The following TMED10 variants were observed in gnomAD, a reference collection of about 807,000 sequenced individuals.
TMED10 encodes the protein transmembrane p24 trafficking protein 10, also known as transmembrane emp24 domain-containing protein 10.
A neutral mutation model predicts 23.1 loss-of-function variants in TMED10; 7 were observed. The ratio of observed to expected loss-of-function variants is 0.30; its 90% CI spans 0.17 to 0.57. The LOEUF (loss-of-function observed/expected upper bound fraction) is 0.57. Ranked by LOEUF, TMED10 falls within the 20% of genes least tolerant of loss-of-function variation. TMED10 has a pLI of 0.91. For synonymous variants in TMED10, 113 were observed against 106.9 expected, an observed-to-expected ratio of 1.06 and a Z score of -0.35; for missense variants, 162 against 274.8, an observed-to-expected ratio of 0.59 and a Z score of 2.90.
rs1896054639 is a variant in TMED10, at chr14:75,158,944, A to G, written c.226-6801T>C. Among the ~76,000 whole-genome samples, 3 of 152,070 alleles carry G rather than the reference A, an allele frequency of 2.0e-5. No individual in the cohort carries two copies. In the South Asian group the frequency reaches 6.2e-4, roughly 31 times the overall value. Reference sequence around the variant, plus strand: ...CGTTTCAAAATAAATAAATAAATAAATAAATACCTTAGAACCCTGGATACA... The same window carrying G: ...CGTTTCAAAATAAATAAATAAATAAGTAAATACCTTAGAACCCTGGATACA... On this transcript the variant is annotated intron_variant, in intron 1 of 4. Transcript: ENST00000303575.
At chr14:75,163,141 C>T (rs1278616183) in intron 1 of TMED10, among the ~76,000 whole-genome samples, 1 of 151,660 alleles carries the variant, frequency 6.6e-6, no homozygotes, top group Non-Finnish European at 1.5e-5. Flanking sequence ...ACTCAGAAGC[C>T]TCAGGGAGGA....
At chr14:75,155,937 G>A (rs1896014971) in intron 1 of TMED10, among the ~76,000 whole-genome samples, 1 of 152,182 alleles carries the variant, frequency 6.6e-6, no homozygotes, top group Admixed American at 6.5e-5. Context: ...TAACCCTACT[G>A]GCAAGAATTA....
intron 1 of TMED10, among the ~76,000 whole-genome samples, chr14:75,153,550 G>A (rs549637279): frequency 6.6e-6 from 1 of 152,182 alleles, no homozygotes; most frequent in Non-Finnish European, 1.5e-5. Flanking sequence ...TTAGTAGAAA[G>A]CATATTTCAT....
At chr14:75,163,100 G>T (rs550801296) in intron 1 of TMED10, among the ~76,000 whole-genome samples, 1 of 152,010 alleles carries the variant, frequency 6.6e-6, no homozygotes, top group African/African-American at 2.4e-5. Flanking sequence ...AAATTAGTTT[G>T]GTGTGGTGGT....
At chr14:75,164,550 TATATATATATATATATATATA>T (rs1896128700) in intron 1 of TMED10, among the ~76,000 whole-genome samples, 1 of 20,460 alleles carries the variant, frequency 4.9e-5, no homozygotes. Flanking sequence ...TATATATATA[TATATATATATATATATATATA>T]TATATATTTT....
At chr14:75,151,987 G>A (rs752400839) in intron 2 of TMED10, 45 bp downstream of exon 2, 1 of 1,507,554 alleles carries the variant, frequency 6.6e-7, no homozygotes, top group East Asian at 2.3e-5. Context: ...GAGCATTAGA[G>A]TTGGAGAAGA....
chr14:75,164,544 TA>T lies in TMED10; in HGVS notation c.225+11810del, dbSNP rs1566675063. The stretch of plus-strand genomic sequence containing the variant: ...CTGCACCTGGCCTAATATATATATA[TA>T]TATATATATATATATATATATATAT... On this transcript the variant is annotated intron_variant, in intron 1 of 4. Transcript: ENST00000303575. 9.2e-3 allele frequency among the ~76,000 whole-genome samples: 60 copies of T among 6,512 alleles called. 2 individuals carry two copies. In the East Asian group the frequency reaches 0.18, roughly 20 times the overall value. The allele number at this position is 6,512 out of a possible 152,430, so 4.3% of individuals were successfully genotyped here. A position where few individuals can be genotyped will look rare whatever the true frequency, so the allele number is the denominator to read the frequency against.
intron 3 of TMED10, among the ~76,000 whole-genome samples, chr14:75,138,569 T>C (rs565625704): frequency 1.3e-5 from 2 of 152,330 alleles, no homozygotes; most frequent in East Asian, 3.9e-4. Context: ...ACAGGAGCTA[T>C]ACAAGCTGAA....
chr14:75,169,584 G>C (rs1370072742), intron 1 of TMED10, among the ~76,000 whole-genome samples: 1 of 152,078 alleles, frequency 6.6e-6, no homozygotes, highest in Non-Finnish European at 1.5e-5. Flanking sequence ...CTTGAACCTG[G>C]GAGGCAGAGG....
At chr14:75,170,803 G>T (rs1279883330) in intron 1 of TMED10, among the ~76,000 whole-genome samples, 1 of 152,120 alleles carries the variant, frequency 6.6e-6, no homozygotes, top group Non-Finnish European at 1.5e-5. Context: ...AATTCCTTAA[G>T]AATAATTTCA....
intron 3 of TMED10, among the ~76,000 whole-genome samples, chr14:75,141,822 T>C (rs1895825867): frequency 6.6e-6 from 1 of 152,212 alleles, no homozygotes; most frequent in Admixed American, 6.5e-5. Flanking sequence ...TAATAAAGTT[T>C]GACTAATAAA....
intron 1 of TMED10, among the ~76,000 whole-genome samples, chr14:75,170,825 T>C (rs1349720515): frequency 1.3e-5 from 2 of 152,132 alleles, no homozygotes; most frequent in East Asian, 3.9e-4. Context: ...CTAATAAATA[T>C]GGAAGGAGTA....
In TMED10 at chr14:75,176,409, C is replaced by T. The variant is rs1214768089; in HGVS notation, c.171G>A (p.Ala57=). The change falls in exon 1 of 5, where the codon GCG becomes GCA. Residue 57 remains alanine, a synonymous_variant. Coordinates refer to ENST00000303575, the MANE Select transcript of TMED10 (RefSeq NM_006827.6). ...EIHKDLLVTG[A]YEISDQSGGA... Reference sequence around the variant, plus strand: ...CCCCAGACTGGTCGGAGATCTCGTACGCGCCAGTCACTAGCAGGTCCTTGT... The same window carrying T: ...CCCCAGACTGGTCGGAGATCTCGTATGCGCCAGTCACTAGCAGGTCCTTGT... 6.2e-7 allele frequency: 1 copy of T among 1,614,250 alleles called. No individual in the cohort carries two copies.
chr14:75,150,590 G>A (rs1594868608), intron 2 of TMED10, among the ~76,000 whole-genome samples: 1 of 152,130 alleles, frequency 6.6e-6, no homozygotes, highest in East Asian at 1.9e-4. Context: ...AAATAGCATT[G>A]TGTTCTAACT....
chr14:75,169,364 A>G (rs769211737), intron 1 of TMED10, among the ~76,000 whole-genome samples: 2 of 152,240 alleles, frequency 1.3e-5, no homozygotes, highest in Non-Finnish European at 2.9e-5. Context: ...AGAGACCCTT[A>G]TAAGAAAGAC....
chr14:75,176,042 A>G, intron 1 of TMED10: 1 of 410,964 alleles, frequency 2.4e-6, no homozygotes, highest in Non-Finnish European at 4.5e-6. Flanking sequence ...ATTTATTTGG[A>G]GAACCAAATT....
chr14:75,145,884 T>A (rs1174497914), intron 3 of TMED10, among the ~76,000 whole-genome samples: 2 of 152,220 alleles, frequency 1.3e-5, no homozygotes, highest in Admixed American at 6.5e-5. Context: ...CAACTGAGAA[T>A]GGTCCACAGT....
At chr14:75,153,777 C>CTGTTTTTTT (rs1555356231) in intron 1 of TMED10, among the ~76,000 whole-genome samples, 3 of 131,752 alleles carry the variant, frequency 2.3e-5, no homozygotes, top group Non-Finnish European at 4.7e-5. Context: ...TTTTTTTTCC[C>CTGTTTTTTT]TTTTTTTTTT....
Position 75,166,717 on chromosome 14 carries a change from C to T in TMED10, c.225+9638G>A, listed in dbSNP as rs114645421. ...TTTGTATATAATACAAAAAGAAATT[C>T]GATTTATATTATTAAATGTCAATGT... On this transcript the variant is annotated intron_variant, in intron 1 of 4. Coordinates refer to ENST00000303575, the MANE Select transcript of TMED10 (RefSeq NM_006827.6). Among the ~76,000 whole-genome samples the T allele has an allele frequency of 3.9e-3, 590 of 152,180 alleles. 4 individuals are homozygous for T. Among genetic ancestry groups the T allele is most frequent in the African/African-American group, 0.014 (572 of 41,518 alleles).
Sources: allele counts gnomAD v4.1 joint callset (sites outside exome capture counted in the v4.1 genomes callset), GRCh38; gene constraint gnomAD v4.1.1; transcripts MANE v1.5; gene names NCBI Gene and HGNC (gene_info 2026-07-23, HGNC 2026-07-21).